Variants in GAB3 observed in about 807,000 individuals in gnomAD.
GAB3 encodes GRB2-associated-binding protein 3.
In GAB3, 12 loss-of-function variants were observed where a neutral mutation model predicts 40.4. The observed-to-expected ratio is 0.30, with a 90% CI of 0.19 to 0.48. The LOEUF is 0.48. Among genes scored for constraint, GAB3 ranks in the 20% least tolerant of loss-of-function variants. GAB3 has a pLI of 0.99. For synonymous variants in GAB3, 154 were observed against 176.7 expected, an observed-to-expected ratio of 0.87 and a Z score of 1.02; for missense variants, 381 against 461.9, an observed-to-expected ratio of 0.82 and a Z score of 1.61.
At chrX:154,727,963 C>T (rs1457116064) in intron 1 of GAB3, among the ~76,000 whole-genome samples, 1 of 111,787 alleles carries the variant, frequency 8.9e-6, no homozygotes, top group African/African-American at 3.3e-5. Context: ...TGAAGTGGCC[C>T]GCCTGGATTG....
In GAB3 at chrX:154,699,504, A is replaced by G; in HGVS notation, c.1135T>C (p.Phe379Leu). 1 of 1,208,018 alleles carries G rather than the reference A, an allele frequency of 8.3e-7. No homozygotes were observed. The highest frequency in any genetic ancestry group is 1.1e-6 in the Non-Finnish European group (1 of 892,696). Residue 379 changes from phenylalanine to leucine, a missense_variant, in exon 6 of 10, where the codon TTC becomes CTC. Coordinates refer to ENST00000424127, the MANE Select transcript of GAB3 (RefSeq NM_001081573.3). ...GAAGCTGTGGGGTACATCGGGGAGA[A>G]CCTGCATGGCTGCAAAAGAATAGAT... ...KRLSLNLPCRFSPMYPTASAS... is the reference protein window; with the variant it reads ...KRLSLNLPCRLSPMYPTASAS...
At chrX:154,708,268 GC>G (rs2070846548) in intron 4 of GAB3, among the ~76,000 whole-genome samples, 1 of 112,165 alleles carries the variant, frequency 8.9e-6, no homozygotes, top group Non-Finnish European at 1.9e-5. Context: ...AAACCATTTA[GC>G]CCCTAGAAGA....
chrX:154,708,421 C>G (rs1264724537), intron 4 of GAB3, among the ~76,000 whole-genome samples: 1 of 111,896 alleles, frequency 8.9e-6, no homozygotes, highest in Non-Finnish European at 1.9e-5. Context: ...GCAAAGGAAA[C>G]AATCAACAAA....
At chrX:154,710,319 A>T (rs1195541480) in intron 4 of GAB3, among the ~76,000 whole-genome samples, 1 of 111,627 alleles carries the variant, frequency 9.0e-6, no homozygotes, top group African/African-American at 3.3e-5. Flanking sequence ...CTAGAACCTG[A>T]CCAGCTGACT....
chrX:154,687,565 C>T (rs1328124833), intron 8 of GAB3, among the ~76,000 whole-genome samples: 4 of 90,659 alleles, frequency 4.4e-5, no homozygotes, highest in African/African-American at 1.3e-4. Flanking sequence ...ACCTGGGGGG[C>T]GGAGCTTGCA....
At chrX:154,748,764 A>T (rs782206186) in intron 1 of GAB3, among the ~76,000 whole-genome samples, 1 of 112,215 alleles carries the variant, frequency 8.9e-6, no homozygotes, top group Non-Finnish European at 1.9e-5. Flanking sequence ...AACTGGAATC[A>T]AGTCTTTTTT....
At chrX:154,713,830 ATATG>A (rs1363322206) in intron 2 of GAB3, among the ~76,000 whole-genome samples, 1 of 91,894 alleles carries the variant, frequency 1.1e-5, no homozygotes, top group African/African-American at 3.9e-5. Flanking sequence ...ACTTGTGCAT[ATATG>A]TATGTATACC....
At chrX:154,750,018 A>C (rs2071587908) in intron 1 of GAB3, among the ~76,000 whole-genome samples, 1 of 112,966 alleles carries the variant, frequency 8.9e-6, no homozygotes, top group African/African-American at 3.2e-5. Context: ...ATGAGCGCAG[A>C]CATGCGCGAG....
In GAB3 at chrX:154,715,075, A is replaced by G. The variant is rs782465705; in HGVS notation, c.376+951T>C. ...AAAGGAATGTGTTCTCAGAAAGCAC[A>G]CTCTTGTGCCTGTCCTGGAGGGAGA... On this transcript the variant is annotated intron_variant, in intron 2 of 9. Coordinates refer to ENST00000424127, the MANE Select transcript of GAB3 (RefSeq NM_001081573.3). 7.2e-5 allele frequency among the ~76,000 whole-genome samples: 8 copies of G among 111,720 alleles called. No individual in the cohort carries two copies. The East Asian group carries it at 2.2e-3, about 31-fold the overall frequency.
chrX:154,713,742 C>CATATATATATAT lies in GAB3; in HGVS notation c.377-328_377-317dup, dbSNP rs59885867. Among the ~76,000 whole-genome samples the CATATATATATAT allele has an allele frequency of 2.8e-3, 55 of 19,650 alleles. 5 individuals are homozygous for CATATATATATAT. The highest frequency in any genetic ancestry group is 4.3e-3 in the Non-Finnish European group (42 of 9,767). 17.1% of individuals were successfully genotyped at this position (19,650 alleles called of 115,157 possible). On this transcript the variant is annotated intron_variant, in intron 2 of 9. Coordinates refer to ENST00000424127, the MANE Select transcript of GAB3 (RefSeq NM_001081573.3). ...ATTGTTTTTTCACTCAACTAACAAA[C>CATATATATATAT]ATATATATATATATATATATATATA...
chrX:154,750,005 T>C (rs1203999380), intron 1 of GAB3, among the ~76,000 whole-genome samples: 4 of 112,897 alleles, frequency 3.5e-5, no homozygotes, highest in Admixed American at 9.3e-5. Flanking sequence ...TGGGCTGCTT[T>C]GGATGAGCGC....
intron 4 of GAB3, among the ~76,000 whole-genome samples, chrX:154,709,234 C>T (rs1557254768): frequency 9.0e-6 from 1 of 111,119 alleles, no homozygotes; most frequent in Non-Finnish European, 1.9e-5. Context: ...CCTCCCTAGC[C>T]ATGCTTCCTG....
At chrX:154,686,437 C>CAA (rs782296474) in intron 8 of GAB3, among the ~76,000 whole-genome samples, 5 of 74,431 alleles carry the variant, frequency 6.7e-5, no homozygotes, top group South Asian at 6.5e-4. Context: ...CTGTCTCTAC[C>CAA]AAAAAAAAAA....
chrX:154,709,910 G>A (rs1328887877), intron 4 of GAB3, among the ~76,000 whole-genome samples: 2 of 111,761 alleles, frequency 1.8e-5, no homozygotes, highest in Non-Finnish European at 3.8e-5. Context: ...CATGGCAATA[G>A]TAAAATGGTG....
chrX:154,680,120 A>G lies in GAB3; in HGVS notation c.1647+12T>C, dbSNP rs1253462239. 5 of 1,121,955 alleles carry G rather than the reference A, an allele frequency of 4.5e-6. No individual in the cohort carries two copies. Among genetic ancestry groups the G allele is most frequent in the Non-Finnish European group, 4.9e-6 (4 of 817,774 alleles). The allele number at this position is 1,121,955 out of a possible 1,213,427, so 92.5% of individuals were successfully genotyped here. A position where few individuals can be genotyped will look rare whatever the true frequency, so the allele number is the denominator to read the frequency against. ...ATCACCTGGGAATTCTTAGACACAA[A>G]GCCCTTCCTACCTGCTGCATGGGGG... is the stretch of plus-strand genomic sequence containing the variant. On this transcript the variant is annotated intron_variant, in intron 9 of 9. Transcript: ENST00000424127.
intron 8 of GAB3, among the ~76,000 whole-genome samples, chrX:154,689,142 T>C (rs1388334357): frequency 1.8e-5 from 2 of 111,913 alleles, no homozygotes; most frequent in African/African-American, 6.5e-5. Context: ...ATCCAGCATA[T>C]AAACAGAACC....
At chrX:154,749,999 C>T (rs1205304595) in intron 1 of GAB3, among the ~76,000 whole-genome samples, 1 of 112,989 alleles carries the variant, frequency 8.9e-6, no homozygotes, top group Non-Finnish European at 1.9e-5. Flanking sequence ...TTGGGGTGGG[C>T]TGCTTTGGAT....
At chrX:154,722,776 G>A (rs1375421158) in intron 1 of GAB3, among the ~76,000 whole-genome samples, 1 of 112,156 alleles carries the variant, frequency 8.9e-6, no homozygotes, top group Non-Finnish European at 1.9e-5. Flanking sequence ...AGAAGAAGGA[G>A]GTTATGATCG....
chrX:154,696,877 T>C (rs1402009698), intron 7 of GAB3, among the ~76,000 whole-genome samples: 27 of 112,713 alleles, frequency 2.4e-4, no homozygotes, highest in African/African-American at 8.4e-4. Flanking sequence ...AATGCACAGA[T>C]GTGAAGAGTG....
Sources: gnomAD v4.1 joint callset for allele counts (sites outside exome capture counted in the v4.1 genomes callset) on GRCh38, gnomAD v4.1.1 for gene constraint, MANE v1.5 for transcripts, NCBI Gene and HGNC (gene_info 2026-07-23, HGNC 2026-07-21) for gene names.